Variants in RBM26 observed in about 807,000 individuals in gnomAD.
RBM26 encodes the protein RNA binding motif protein 26.
RBM26 carries 30 observed loss-of-function variants against 123.6 expected under a neutral mutation model. The ratio of observed to expected loss-of-function variants is 0.24; its 90% CI spans 0.18 to 0.33. The LOEUF is 0.33. Among genes scored for constraint, RBM26 ranks in the 10% least tolerant of loss-of-function variants. The pLI is 1.00. For synonymous variants in RBM26, 400 were observed against 404.4 expected (o/e 0.99, Z 0.13); for missense variants, 947 against 1,203.6 (o/e 0.79, Z 3.15).
At chr13:79,324,795 AT>A (rs913030532) in intron 20 of RBM26, among the ~76,000 whole-genome samples, 18 of 151,970 alleles carry the variant, frequency 1.2e-4, no homozygotes, top group African/African-American at 4.3e-4. Flanking sequence ...AAGAAAAAAA[AT>A]TCATCCAATT....
At chr13:79,368,035 AT>A (rs1200259070) in intron 6 of RBM26, among the ~76,000 whole-genome samples, 1 of 150,706 alleles carries the variant, frequency 6.6e-6, no homozygotes, top group Non-Finnish European at 1.5e-5. Context: ...TTTTATTTTT[AT>A]TTTTTTTGAG....
At chr13:79,338,764 T>C (rs17185717) in intron 18 of RBM26, among the ~76,000 whole-genome samples, 11,692 of 152,282 alleles carry the variant, frequency 0.077, 719 homozygotes, top group East Asian at 0.19. Context: ...CCATTCAGTA[T>C]GCCACTACAA....
At chr13:79,377,095 T>A in intron 3 of RBM26, 1 of 273,026 alleles carries the variant, frequency 3.7e-6, no homozygotes, top group Non-Finnish European at 7.0e-6. Context: ...ATTAAGCACA[T>A]CCTGTGCAAC....
intron 16 of RBM26, among the ~76,000 whole-genome samples, chr13:79,343,049 G>T (rs1270869285): frequency 6.6e-6 from 1 of 151,760 alleles, no homozygotes; most frequent in Non-Finnish European, 1.5e-5. Flanking sequence ...TTAAATTTGT[G>T]AAGAACTGTT....
At chr13:79,311,835 G>GT (rs1485681019) in exon 5 of RBM26, 1 of 151,892 alleles carries the variant, frequency 6.6e-6, no homozygotes, top group Non-Finnish European at 1.5e-5. Context: ...ACTGTTTTTA[G>GT]TAAGACTTTT....
intron 14 of RBM26, among the ~76,000 whole-genome samples, chr13:79,347,041 C>A (rs115714754): frequency 1.3e-5 from 2 of 152,108 alleles, no homozygotes; most frequent in Non-Finnish European, 2.9e-5. Context: ...TTTATTTAAC[C>A]AAGTATTTCT....
intron 9 of RBM26, among the ~76,000 whole-genome samples, chr13:79,362,075 A>C (rs1005835468): frequency 6.6e-6 from 1 of 152,160 alleles, no homozygotes; most frequent in Non-Finnish European, 1.5e-5. Context: ...TGTATATTCT[A>C]GTCAACTGTC....
chr13:79,381,704 A>C (rs1401118943), intron 1 of RBM26, among the ~76,000 whole-genome samples: 1 of 152,078 alleles, frequency 6.6e-6, no homozygotes, highest in Admixed American at 6.6e-5. Context: ...CATGATTTTT[A>C]TAATTATTAT....
rs1430761982 is a variant in RBM26 at position 79,370,854 on chromosome 13, T to C, written c.634+91A>G. The stretch of plus-strand genomic sequence containing the variant: ...CAGAATACATCATAATAGAAAAAAA[T>C]GAAGACAACACTGACAAAATGTTAA... On this transcript the variant is annotated intron_variant, in intron 5 of 21. Coordinates refer to ENST00000438737, the MANE Select transcript of RBM26 (RefSeq NM_001366735.2). 2.2e-6 allele frequency: 3 copies of C among 1,354,734 alleles called. No homozygotes were observed. In the African/African-American group the frequency reaches 4.4e-5, roughly 20 times the overall value. The allele number at this position is 1,354,734 out of a possible 1,614,324, so 83.9% of individuals were successfully genotyped here. A position where few individuals can be genotyped will look rare whatever the true frequency, so the allele number is the denominator to read the frequency against.
intron 1 of RBM26, among the ~76,000 whole-genome samples, chr13:79,385,733 G>C (rs965204238): frequency 6.6e-6 from 1 of 152,122 alleles, no homozygotes; most frequent in Admixed American, 6.6e-5. Flanking sequence ...ATATTTGTTT[G>C]AGTAATCAGA....
chr13:79,325,525 TAA>T (rs1209168005), intron 20 of RBM26, among the ~76,000 whole-genome samples: 1 of 152,150 alleles, frequency 6.6e-6, no homozygotes, highest in Non-Finnish European at 1.5e-5. Context: ...AAAAAAATGT[TAA>T]AAATAGACAA....
chr13:79,393,950 T>G (rs557164749), intron 1 of RBM26, among the ~76,000 whole-genome samples: 1 of 152,340 alleles, frequency 6.6e-6, no homozygotes, highest in Admixed American at 6.5e-5. Context: ...TGCTGGACTG[T>G]TCACCTTGGG....
chr13:79,378,649 C>G, intron 2 of RBM26, 140 bp downstream of exon 2: 1 of 452,886 alleles, frequency 2.2e-6, no homozygotes, highest in Non-Finnish European at 4.0e-6. Context: ...CATGTTTGCC[C>G]GGCTGGTCTT....
At chr13:79,328,861 G>T (rs1043722545) in intron 20 of RBM26, among the ~76,000 whole-genome samples, 2 of 151,444 alleles carry the variant, frequency 1.3e-5, no homozygotes, top group African/African-American at 4.8e-5. Flanking sequence ...TTCTATTTCA[G>T]TTTGATAAAC....
At chr13:79,377,201 A>G in intron 3 of RBM26, 178 bp downstream of exon 3, 1 of 514,562 alleles carries the variant, frequency 1.9e-6, no homozygotes, top group Non-Finnish European at 3.4e-6. Flanking sequence ...TTTTGCTGAA[A>G]TAAGCCAGGG....
chr13:79,355,487 T>A, intron 11 of RBM26, 103 bp from the exon 12 acceptor site: 1 of 817,636 alleles, frequency 1.2e-6, no homozygotes, highest in East Asian at 2.6e-5. Context: ...CAAGTAAGAT[T>A]CTGTATTTAT....
At chr13:79,397,961 A>G (rs755745935) in intron 1 of RBM26, among the ~76,000 whole-genome samples, 20 of 152,222 alleles carry the variant, frequency 1.3e-4, no homozygotes, top group South Asian at 2.1e-4. Flanking sequence ...AAATATCTCA[A>G]GAAGAATCAC....
At chr13:79,312,227 G>A (rs1288526637) in exon 5 of RBM26, 5 of 152,090 alleles carry the variant, frequency 3.3e-5, no homozygotes, top group South Asian at 4.2e-4. Flanking sequence ...ACAGTCCACC[G>A]AAATTGAGTT....
At chr13:79,358,477 A>G (rs1286410450) in intron 10 of RBM26, 44 bp from the exon 11 acceptor site, 4 of 1,494,398 alleles carry the variant, frequency 2.7e-6, no homozygotes, top group Non-Finnish European at 3.7e-6. Flanking sequence ...ATAAATCCTG[A>G]CCCTAACCAA....
Sources: gnomAD v4.1 joint callset for allele counts (sites outside exome capture counted in the v4.1 genomes callset) on GRCh38, gnomAD v4.1.1 for gene constraint, MANE v1.5 for transcripts, NCBI Gene and HGNC (gene_info 2026-07-23, HGNC 2026-07-21) for gene names.